The following TAPBPL variants were observed in gnomAD, a reference collection of about 807,000 sequenced individuals.
TAPBPL encodes TAP binding protein like.
In TAPBPL, 32 loss-of-function variants were observed where a neutral mutation model predicts 44.8. That is an observed-to-expected ratio of 0.71 (90% CI 0.54 to 0.96). The LOEUF (loss-of-function observed/expected upper bound fraction) is 0.96. Among genes scored for constraint, TAPBPL ranks in the 40% least tolerant of loss-of-function variants. The probability of loss-of-function intolerance (pLI) is 0.00; values close to 1 mark genes in which losing one functional copy is unlikely to be tolerated. For synonymous variants in TAPBPL, 230 were observed against 240.7 expected, an observed-to-expected ratio of 0.96 and a Z score of 0.41; for missense variants, 520 against 586.6, an observed-to-expected ratio of 0.89 and a Z score of 1.17.
chr12:6,469,398 T>C (rs74732293), downstream of TAPBPL, among the ~76,000 whole-genome samples: 155 of 152,298 alleles, frequency 1.0e-3, no homozygotes, highest in African/African-American at 3.1e-3. Context: ...GTAGATACTA[T>C]CTGGAAGCCC....
chr12:6,464,318 A>G (rs1485099016), downstream of TAPBPL: 11 of 1,547,982 alleles, frequency 7.1e-6, no homozygotes, highest in East Asian at 2.7e-4. Flanking sequence ...GACAGAGTGC[A>G]AATGAACGCA....
chr12:6,471,884 T>A, the TAPBPL span, among the ~76,000 whole-genome samples: 1 of 152,226 alleles, frequency 6.6e-6, no homozygotes, highest in Non-Finnish European at 1.5e-5. This position sits in a 1 kb window ranked among gnomAD's most constrained non-coding sequence, Gnocchi z 4.0. Flanking sequence ...CCTTACCACT[T>A]AGCATTTTTG....
At chr12:6,471,873 T>A in the TAPBPL span, among the ~76,000 whole-genome samples, 19 of 152,360 alleles carry the variant, frequency 1.2e-4, no homozygotes, top group African/African-American at 4.1e-4. This position sits in a 1 kb window ranked among gnomAD's most constrained non-coding sequence, Gnocchi z 4.0. Context: ...ACAAATGCTT[T>A]CCTTACCACT....
At chr12:6,470,419 C>T (rs2137017028), downstream of TAPBPL, 3 of 1,531,596 alleles carry the variant, frequency 2.0e-6, no homozygotes, top group Admixed American at 1.8e-5. Flanking sequence ...GGTGGTAGTT[C>T]CCCGCGTTGC....
chr12:6,464,330 CG>C, downstream of TAPBPL: 2 of 1,548,936 alleles, frequency 1.3e-6, no homozygotes, highest in Non-Finnish European at 1.7e-6. Flanking sequence ...ATGAACGCAA[CG>C]AAAAAGGAGG....
downstream of TAPBPL, chr12:6,462,848 G>A (rs756785762): frequency 1.9e-6 from 3 of 1,606,364 alleles, no homozygotes; most frequent in East Asian, 2.2e-5. Flanking sequence ...CCGCCCTTGG[G>A]CAGGACGAAG....
At chr12:6,455,784 ACAGTCT>A (rs1370866179) in intron 3 of TAPBPL, among the ~76,000 whole-genome samples, 2 of 70,144 alleles carry the variant, frequency 2.9e-5, no homozygotes, top group East Asian at 1.2e-3. Context: ...TTTTTTTTTA[ACAGTCT>A]CATTCTGTCT....
chr12:6,452,323 G>C lies in TAPBPL; in HGVS notation c.64+11G>C, dbSNP rs1327031285. On this transcript the variant is annotated intron_variant, in intron 1 of 6. Coordinates refer to ENST00000266556, the MANE Select transcript of TAPBPL (RefSeq NM_018009.5). ...GAGCAGCAGAAACCAGTGAGTCTGG[G>C]AGTCGGGGAGAGCTGGCTGGGAGAA... is the stretch of plus-strand genomic sequence containing the variant. 1 of 1,569,180 alleles carries C rather than the reference G, an allele frequency of 6.4e-7. No individual in the cohort carries two copies. The highest frequency in any genetic ancestry group is 1.2e-5 in the South Asian group (1 of 85,366).
intron 3 of TAPBPL, among the ~76,000 whole-genome samples, chr12:6,454,320 T>C (rs1949648446): frequency 6.6e-6 from 1 of 151,924 alleles, no homozygotes; most frequent in Non-Finnish European, 1.5e-5. Context: ...ATACAGAAAT[T>C]AGCCGGGCAT....
At chr12:6,465,133 C>G, downstream of TAPBPL, 1 of 745,346 alleles carries the variant, frequency 1.3e-6, no homozygotes, top group Admixed American at 2.9e-5. Context: ...CACAGTATGT[C>G]TGTAGCTTTT....
downstream of TAPBPL, chr12:6,464,359 C>T: frequency 3.2e-6 from 5 of 1,551,560 alleles, no homozygotes; most frequent in Non-Finnish European, 2.6e-6. Context: ...GATGGAGAAG[C>T]CTGGGCTGGA....
In TAPBPL at chr12:6,452,201, A is replaced by T. The variant is rs1364125839; in HGVS notation, c.-48A>T. 1 of 1,555,010 alleles carries T rather than the reference A, an allele frequency of 6.4e-7. No homozygotes were observed. Among genetic ancestry groups the T allele is most frequent in the Non-Finnish European group, 8.7e-7 (1 of 1,148,562 alleles). On this transcript the variant is annotated 5_prime_UTR_variant, in exon 1 of 7. Transcript: ENST00000266556. ...CGCCGGGCCTCGCAAGCAGCGTAGG[A>T]CTGTGGAGAAGGGCGGTGGGCAAGG...
chr12:6,463,143 CTA>C (rs1409293318), downstream of TAPBPL: 31 of 1,466,814 alleles, frequency 2.1e-5, no homozygotes, highest in Non-Finnish European at 2.8e-5. This position sits in a 1 kb window ranked among gnomAD's most constrained non-coding sequence, Gnocchi z 4.0. Context: ...GTTCCACTGT[CTA>C]TACACACAAA....
downstream of TAPBPL, chr12:6,465,388 A>ATATATACATATGTGTATATATAGAGTG (rs1565526089): frequency 1.3e-5 from 1 of 75,522 alleles, no homozygotes; most frequent in African/African-American, 6.1e-5. Flanking sequence ...ATATATATGT[A>ATATATACATATGTGTATATATAGAGTG]TATATATATA....
chr12:6,462,815 T>A (rs1420904952), downstream of TAPBPL: 2 of 1,603,508 alleles, frequency 1.2e-6, no homozygotes, highest in Middle Eastern at 1.7e-4. Context: ...GGGTACTGAC[T>A]GCTTTCTTCC....
downstream of TAPBPL, chr12:6,464,174 C>T (rs71584834): frequency 5.1e-3 from 7,411 of 1,446,948 alleles, 36 homozygotes; most frequent in South Asian, 0.011. Flanking sequence ...CCTGCCCCTT[C>T]CCTTGGCCTC....
chr12:6,455,030 T>C (rs1949666518), intron 3 of TAPBPL, among the ~76,000 whole-genome samples: 1 of 152,114 alleles, frequency 6.6e-6, no homozygotes, highest in South Asian at 2.1e-4. Flanking sequence ...GTGTCTACCA[T>C]ACTCCTGGCA....
At chr12:6,465,806 C>T (rs772658052), downstream of TAPBPL, 2 of 1,610,400 alleles carry the variant, frequency 1.2e-6, no homozygotes, top group Admixed American at 3.3e-5. Context: ...CAGTGGAAGC[C>T]CAGGAAAAGA....
chr12:6,470,665 G>T, downstream of TAPBPL: 1 of 1,187,606 alleles, frequency 8.4e-7, no homozygotes, highest in Non-Finnish European at 1.2e-6. Context: ...GTCTAGCTGC[G>T]CTGGAACTTA....
Sources: allele counts gnomAD v4.1 joint callset (sites outside exome capture counted in the v4.1 genomes callset), GRCh38; gene constraint gnomAD v4.1.1; non-coding constraint Gnocchi (gnomAD v3.1); transcripts MANE v1.5; gene names NCBI Gene and HGNC (gene_info 2026-07-23, HGNC 2026-07-21).